Variants in AREL1 observed in about 807,000 individuals in gnomAD.
AREL1 encodes apoptosis resistant E3 ubiquitin protein ligase 1.
A neutral mutation model predicts 99.0 loss-of-function variants in AREL1; 62 were observed. That is an observed-to-expected ratio of 0.63 (90% CI 0.51 to 0.77). The LOEUF (loss-of-function observed/expected upper bound fraction) is 0.77. Ranked by LOEUF, AREL1 falls within the 30% of genes least tolerant of loss-of-function variation. The pLI, the probability that AREL1 is intolerant of heterozygous loss-of-function variation, is 0.00. For missense variants in AREL1, 879 were observed against 1,027.6 expected (o/e 0.86, Z 1.98); for synonymous variants, 380 against 376.5 (o/e 1.01, Z -0.11).
intron 1 of AREL1, among the ~76,000 whole-genome samples, chr14:74,703,398 A>C (rs2090120203): frequency 6.6e-6 from 1 of 152,272 alleles, no homozygotes; most frequent in Non-Finnish European, 1.5e-5. Context: ...ATTATCTCCC[A>C]CTGGATCCCT....
At chr14:74,685,475 C>T in intron 3 of AREL1, 125 bp downstream of exon 3, 1 of 1,124,848 alleles carries the variant, frequency 8.9e-7, no homozygotes, top group Non-Finnish European at 1.3e-6. Flanking sequence ...TGTGAAGGTA[C>T]ATTCTGGCAC....
At chr14:74,688,130 A>G (rs555149971) in intron 2 of AREL1, among the ~76,000 whole-genome samples, 238 of 142,842 alleles carry the variant, frequency 1.7e-3, no homozygotes, top group African/African-American at 6.1e-3. Flanking sequence ...GGTTCGCGCC[A>G]TTCTCCTGCC....
At position 74,663,349 on chromosome 14, in the gene AREL1, G is replaced by A. The variant is rs1378239031; in HGVS notation, c.*371C>T. On this transcript the variant is annotated 3_prime_UTR_variant, in exon 20 of 20. Transcript: ENST00000356357. ...TCTCCAAGGAGTATCAGCAGAGGGA[G>A]TTTTGGAGCACAGTGTGGATTTAAG... The A allele has an allele frequency of 3.4e-6, 1 of 295,888 alleles. No homozygotes were observed. Among genetic ancestry groups the A allele is most frequent in the Non-Finnish European group, 6.7e-6 (1 of 149,048 alleles). 18.3% of individuals were successfully genotyped at this position (295,888 alleles called of 1,614,324 possible). A position where few individuals can be genotyped will look rare whatever the true frequency, so the allele number is the denominator to read the frequency against.
intron 5 of AREL1, 105 bp from the exon 6 acceptor site, chr14:74,676,857 C>A (rs1316751728): frequency 2.6e-5 from 24 of 935,582 alleles, no homozygotes; most frequent in Non-Finnish European, 3.0e-5. Context: ...AGTGCAGTGG[C>A]GCAATCTCGG....
intron 5 of AREL1, among the ~76,000 whole-genome samples, chr14:74,680,629 T>A (rs1196162644): frequency 6.6e-6 from 1 of 152,156 alleles, no homozygotes; most frequent in African/African-American, 2.4e-5. Flanking sequence ...AGCCCCCAAA[T>A]GGAAACAACC....
intron 5 of AREL1, among the ~76,000 whole-genome samples, chr14:74,679,253 T>C (rs1328748054): frequency 2.0e-5 from 3 of 152,120 alleles, no homozygotes; most frequent in Non-Finnish European, 4.4e-5. Flanking sequence ...CAAAGCCCCA[T>C]CTCTACAAAA....
intron 17 of AREL1, among the ~76,000 whole-genome samples, chr14:74,666,657 C>T (rs1014522713): frequency 2.1e-4 from 32 of 150,754 alleles, no homozygotes; most frequent in Admixed American, 4.6e-4. Context: ...TCTATTACTC[C>T]CTTAAATGTC....
intron 1 of AREL1, 69 bp from the exon 2 acceptor site, chr14:74,692,397 A>C (rs1193290950): frequency 1.4e-5 from 5 of 359,894 alleles, no homozygotes; most frequent in African/African-American, 1.1e-4. Flanking sequence ...CCCAGAAAAA[A>C]ATCAAAGAGA....
At chr14:74,696,413 T>C (rs1007275019) in intron 1 of AREL1, among the ~76,000 whole-genome samples, 1 of 152,242 alleles carries the variant, frequency 6.6e-6, no homozygotes, top group South Asian at 2.1e-4. Flanking sequence ...ATGTATTTCA[T>C]ACAATCATGC....
intron 1 of AREL1, among the ~76,000 whole-genome samples, chr14:74,704,579 A>G (rs1156740098): frequency 6.6e-6 from 1 of 152,186 alleles, no homozygotes; most frequent in Non-Finnish European, 1.5e-5. Context: ...ATTTGCCCTA[A>G]GCAGTTCCCA....
At position 74,661,504 on chromosome 14, in the gene AREL1, A is replaced by G. The variant is rs150738091; in HGVS notation, c.*2216T>C. On this transcript the variant is annotated 3_prime_UTR_variant, in exon 20 of 20. Transcript: ENST00000356357. ...GACATAAATAAAAGAACTGGCCAAA[A>G]TAAGAAACACTAATAGAAAATTGCC... The G allele has an allele frequency of 5.2e-5, 15 of 287,942 alleles. No individual in the cohort carries two copies. The highest frequency in any genetic ancestry group is 1.3e-4 in the African/African-American group (6 of 44,544). The allele number at this position is 287,942 out of a possible 1,614,324, so 17.8% of individuals were successfully genotyped here.
rs1198647043 is a variant in AREL1, at chr14:74,661,666, G to C, written c.*2054C>G. On this transcript the variant is annotated 3_prime_UTR_variant, in exon 20 of 20. Transcript: ENST00000356357. The stretch of plus-strand genomic sequence containing the variant: ...AAGAGAGCAAAGATACTTTTGAATA[G>C]AGTTCAGACAGAGAATAGAAAACCA... 2 of 175,420 alleles carry C rather than the reference G, an allele frequency of 1.1e-5. No homozygotes were observed. The highest frequency in any genetic ancestry group is 1.2e-5 in the Non-Finnish European group (1 of 82,226). The allele number at this position is 175,420 out of a possible 1,614,324, so 10.9% of individuals were successfully genotyped here. A position where few individuals can be genotyped will look rare whatever the true frequency, so the allele number is the denominator to read the frequency against.
At position 74,683,470 on chromosome 14, in the gene AREL1, A is replaced by T. The variant is rs1410663421; in HGVS notation, c.307T>A (p.Ser103Thr). The stretch of plus-strand genomic sequence containing the variant: ...ATTTCCACTGCTAGCTCGACATGAG[A>T]GATGTGAACTCTTAGTCCCACAGGC... ...HRPVGLRVHISHVELAVEIPV... is the reference protein window; with the variant it reads ...HRPVGLRVHITHVELAVEIPV... The change falls in exon 5 of 20, where the codon TCT (serine) becomes ACT (threonine). Residue 103 changes from serine (S) to threonine (T), a missense_variant. By Grantham distance (58) the Ser-to-Thr change is moderately conservative. Coordinates refer to ENST00000356357, the MANE Select transcript of AREL1 (RefSeq NM_001039479.2). 1 of 1,614,058 alleles carries T rather than the reference A, an allele frequency of 6.2e-7. No homozygotes were observed. Among genetic ancestry groups the T allele is most frequent in the Non-Finnish European group, 8.5e-7 (1 of 1,180,002 alleles).
Position 74,662,311 on chromosome 14 carries a change from C to G in AREL1, c.*1409G>C. 1 of 340,106 alleles carries G rather than the reference C, an allele frequency of 2.9e-6. No individual in the cohort carries two copies. The highest frequency in any genetic ancestry group is 5.3e-6 in the Non-Finnish European group (1 of 189,166). 21.1% of individuals were successfully genotyped at this position (340,106 alleles called of 1,614,324 possible). On this transcript the variant is annotated 3_prime_UTR_variant, in exon 20 of 20. Coordinates refer to ENST00000356357, the MANE Select transcript of AREL1 (RefSeq NM_001039479.2). ...GCATTGCCAAAGTCCTGCCTTGTTT[C>G]AGGACTCTGTGTACTTGCTGGTTTT...
chr14:74,671,450 C>G lies in AREL1; in HGVS notation c.1456G>C (p.Asp486His). The G allele has an allele frequency of 6.3e-7, 1 of 1,582,150 alleles. No homozygotes were observed. The highest frequency in any genetic ancestry group is 2.4e-5 in the East Asian group (1 of 42,160). ...LKATRNFSIS[D>H]WSKNFEVVFQ... The stretch of plus-strand genomic sequence containing the variant: ...ACAACCTCAAAGTTCTTGCTCCAAT[C>G]TGAGATGGAGAAATTCCGAGTGGCT... Residue 486 changes from aspartate to histidine, a missense_variant, in exon 12 of 20, where the codon GAT (aspartate) becomes CAT (histidine). Transcript: ENST00000356357.
In AREL1 at chr14:74,672,892, T is replaced by C. The variant is rs754333648; in HGVS notation, c.1361A>G (p.His454Arg). 2.5e-6 allele frequency: 4 copies of C among 1,614,110 alleles called. No homozygotes were observed. The highest frequency in any genetic ancestry group is 1.7e-5 in the Admixed American group (1 of 60,008). The change falls in exon 11 of 20, where the codon CAT becomes CGT. Residue 454 changes from histidine to arginine, a missense_variant. His to Arg is a conservative substitution (Grantham distance 29). Coordinates refer to ENST00000356357, the MANE Select transcript of AREL1 (RefSeq NM_001039479.2). Reference protein sequence around the residue: ...NFFQRELRQVHMKRPHSKVTL... With the variant: ...NFFQRELRQVRMKRPHSKVTL... ...GACTTTGGAATGTGGTCTTTTCATA[T>C]GTACCTGCCGAAGCTCTCGCTGGAA...
intron 5 of AREL1, among the ~76,000 whole-genome samples, chr14:74,680,872 C>T (rs2089612042): frequency 6.6e-6 from 1 of 152,068 alleles, no homozygotes; most frequent in Non-Finnish European, 1.5e-5. Flanking sequence ...TTCCAAAACC[C>T]CCAAAAATCC....
chr14:74,699,348 G>GGGGTGTGTGTGT (rs1555360644), intron 1 of AREL1, among the ~76,000 whole-genome samples: 1 of 143,456 alleles, frequency 7.0e-6, no homozygotes, highest in African/African-American at 2.7e-5. Flanking sequence ...GACAGTGAGG[G>GGGGTGTGTGTGT]GTGTGTGTGT....
chr14:74,690,654 A>C (rs934170971), intron 2 of AREL1, among the ~76,000 whole-genome samples: 2 of 152,226 alleles, frequency 1.3e-5, no homozygotes, highest in African/African-American at 4.8e-5. Context: ...GTCTAATTGC[A>C]GTACAAACAA....
Sources: allele counts gnomAD v4.1 joint callset (sites outside exome capture counted in the v4.1 genomes callset), GRCh38; gene constraint gnomAD v4.1.1; transcripts MANE v1.5; gene names NCBI Gene and HGNC (gene_info 2026-07-23, HGNC 2026-07-21).